Variants in SCAMP2 observed in about 807,000 individuals in gnomAD.
SCAMP2 encodes the protein secretory carrier-associated membrane protein 2.
In SCAMP2, 25 loss-of-function variants were observed where a neutral mutation model predicts 44.1. That is an observed-to-expected ratio of 0.57 (90% confidence interval 0.41 to 0.79). SCAMP2 has a LOEUF of 0.79. Ranked by LOEUF, SCAMP2 falls within the 30% of genes least tolerant of loss-of-function variation. The pLI is 0.00. For missense variants in SCAMP2, 355 were observed against 411.0 expected (o/e 0.86, Z 1.18); for synonymous variants, 156 against 166.0 (o/e 0.94, Z 0.46).
At chr15:74,861,742 C>T (rs915384067) in intron 1 of SCAMP2, among the ~76,000 whole-genome samples, 3 of 151,498 alleles carry the variant, frequency 2.0e-5, no homozygotes, top group Non-Finnish European at 4.4e-5. Flanking sequence ...ACTAAAAATA[C>T]AAAACCAAAT....
intron 1 of SCAMP2, among the ~76,000 whole-genome samples, chr15:74,870,801 T>TTAG (rs2064570318): frequency 6.6e-6 from 1 of 152,212 alleles, no homozygotes; most frequent in Admixed American, 6.5e-5. Context: ...GTATAATTAT[T>TTAG]TAGTTCAAGT....
At chr15:74,852,491 G>C (rs117243734) in intron 3 of SCAMP2, 1 of 274,956 alleles carries the variant, frequency 3.6e-6, no homozygotes, top group South Asian at 1.7e-4. Context: ...CCCATACTGG[G>C]TCAAGGCAGC....
At chr15:74,868,491 T>C (rs1275796815) in intron 1 of SCAMP2, among the ~76,000 whole-genome samples, 1 of 152,254 alleles carries the variant, frequency 6.6e-6, no homozygotes, top group Admixed American at 6.5e-5. Flanking sequence ...AATGTCTTTT[T>C]GTAGGATTTC....
Position 74,873,136 on chromosome 15 carries a change from C to T in SCAMP2, c.57+63G>A, listed in dbSNP as rs536301979. On this transcript the variant is annotated intron_variant, in intron 1 of 8. Transcript: ENST00000268099. ...CACGTCTCCCGGCTCTAGCGAGAGG[C>T]CCGGGCGGCGGCCGTGGGCCCTAGG... 9.0e-6 allele frequency: 12 copies of T among 1,337,746 alleles called. No homozygotes were observed. The South Asian group carries it at 1.6e-4, about 17-fold the overall frequency. 82.9% of individuals were successfully genotyped at this position (1,337,746 alleles called of 1,614,324 possible).
intron 5 of SCAMP2, 130 bp downstream of exon 5, chr15:74,851,223 G>T: frequency 9.0e-7 from 1 of 1,109,928 alleles, no homozygotes; most frequent in Non-Finnish European, 1.3e-6. Flanking sequence ...CCCCAACCCA[G>T]CCCAGGCACT....
chr15:74,860,476 G>A (rs1448622364), intron 1 of SCAMP2, among the ~76,000 whole-genome samples: 2 of 151,232 alleles, frequency 1.3e-5, no homozygotes, highest in Non-Finnish European at 3.0e-5. Flanking sequence ...GTCACCTGAG[G>A]TCAGGAGTTT....
At chr15:74,858,568 G>C (rs2064481655) in intron 1 of SCAMP2, among the ~76,000 whole-genome samples, 1 of 152,080 alleles carries the variant, frequency 6.6e-6, no homozygotes, top group Admixed American at 6.6e-5. Flanking sequence ...AGGGGAAGTA[G>C]CTTGTCTTAA....
At chr15:74,854,154 G>C in intron 2 of SCAMP2, 35 bp from the exon 3 acceptor site, 2 of 1,554,326 alleles carry the variant, frequency 1.3e-6, no homozygotes, top group Non-Finnish European at 1.8e-6. Context: ...GAATTGAGTG[G>C]GACTCCATTA....
rs998939748 is a variant in SCAMP2, at chr15:74,848,706, GGA to G, written c.633-7_633-6del. ...AAGCTGAAAGAGTTGTCGGACCTGT[GGA>G]GAGAGAGGGAAATAAGTCACAAGAG... On this transcript the variant is annotated splice_polypyrimidine_tract_variant and splice_region_variant and intron_variant, in intron 6 of 8. Coordinates refer to ENST00000268099, the MANE Select transcript of SCAMP2 (RefSeq NM_005697.5). The G allele has an allele frequency of 4.4e-6, 7 of 1,602,078 alleles. No individual in the cohort carries two copies. The highest frequency in any genetic ancestry group is 3.3e-5 in the Admixed American group (2 of 59,824).
chr15:74,844,898 G>T lies in SCAMP2; in HGVS notation c.*185C>A. The T allele has an allele frequency of 1.6e-6, 1 of 606,664 alleles. No individual in the cohort carries two copies. 37.6% of individuals were successfully genotyped at this position (606,664 alleles called of 1,614,324 possible). A position where few individuals can be genotyped will look rare whatever the true frequency, so the allele number is the denominator to read the frequency against. ...AGCTTTGTTTTTTTTTGTACATAGA[G>T]GGGGAAAAAATTCCCTGTCCCTCCC... On this transcript the variant is annotated 3_prime_UTR_variant, in exon 9 of 9. Transcript: ENST00000268099.
intron 1 of SCAMP2, among the ~76,000 whole-genome samples, chr15:74,862,326 T>C (rs2064512241): frequency 7.5e-6 from 1 of 132,654 alleles, no homozygotes. Context: ...CCTATAATTC[T>C]AGCACTTTGG....
In SCAMP2 at chr15:74,844,776, G is replaced by T; in HGVS notation, c.*307C>A. 1 of 279,346 alleles carries T rather than the reference G, an allele frequency of 3.6e-6. No homozygotes were observed. The highest frequency in any genetic ancestry group is 6.9e-6 in the Non-Finnish European group (1 of 144,832). The allele number at this position is 279,346 out of a possible 1,614,324, so 17.3% of individuals were successfully genotyped here. A position where few individuals can be genotyped will look rare whatever the true frequency, so the allele number is the denominator to read the frequency against. On this transcript the variant is annotated 3_prime_UTR_variant, in exon 9 of 9. Transcript: ENST00000268099. The stretch of plus-strand genomic sequence containing the variant: ...GGTCAGCCTGTGATCCCAACTGTGT[G>T]GGGGTGTCTGTGTGTGCACAGGACG...
Position 74,844,765 on chromosome 15 carries a change from C to G in SCAMP2, c.*318G>C. ...GGATGGGCCCAGGTCAGCCTGTGAT[C>G]CCAACTGTGTGGGGGTGTCTGTGTG... is the stretch of plus-strand genomic sequence containing the variant. On this transcript the variant is annotated 3_prime_UTR_variant, in exon 9 of 9. Transcript: ENST00000268099. The G allele has an allele frequency of 8.5e-6, 2 of 236,140 alleles. No homozygotes were observed. The highest frequency in any genetic ancestry group is 8.4e-6 in the Non-Finnish European group (1 of 119,370). The allele number at this position is 236,140 out of a possible 1,614,324, so 14.6% of individuals were successfully genotyped here. A position where few individuals can be genotyped will look rare whatever the true frequency, so the allele number is the denominator to read the frequency against.
At chr15:74,854,212 T>TCACAG in intron 2 of SCAMP2, 93 bp from the exon 3 acceptor site, 3 of 1,136,752 alleles carry the variant, frequency 2.6e-6, no homozygotes, top group Non-Finnish European at 2.6e-6. Context: ...GATGTGCCCC[T>TCACAG]GCCTGTGAGG....
chr15:74,872,789 ACCT>A (rs2064585636), intron 1 of SCAMP2: 1 of 164,522 alleles, frequency 6.1e-6, no homozygotes, highest in Admixed American at 6.4e-5. Flanking sequence ...AGGCTTCACC[ACCT>A]CCTCATATGT....
chr15:74,852,241 G>A lies in SCAMP2; in HGVS notation c.226-55C>T, dbSNP rs141614998. 5.8e-4 allele frequency: 738 copies of A among 1,282,092 alleles called. 7 individuals carry two copies. The East Asian group carries it at 0.018, about 31-fold the overall frequency. 79.4% of individuals were successfully genotyped at this position (1,282,092 alleles called of 1,614,324 possible). The stretch of plus-strand genomic sequence containing the variant: ...GCCAGACACAACAAACAGAAACAGT[G>A]TCAGCCTGGGTAGGCAGGCAGAGAG... On this transcript the variant is annotated intron_variant, in intron 3 of 8. Coordinates refer to ENST00000268099, the MANE Select transcript of SCAMP2 (RefSeq NM_005697.5).
chr15:74,852,109 G>C lies in SCAMP2; in HGVS notation c.303C>G (p.Arg101=). Reference sequence around the variant, plus strand: ...CAGTGTTCTGCAGCTCCCGCTCCTTGCGTTCCAGCTCGGCAGCTTTCCTGT... The same window carrying C: ...CAGTGTTCTGCAGCTCCCGCTCCTTCCGTTCCAGCTCGGCAGCTTTCCTGT... ...ELDRKAAELE[R]KERELQNTVA... The change falls in exon 4 of 9, where the codon CGC becomes CGG. Residue 101 remains arginine (R), a synonymous_variant. Coordinates refer to ENST00000268099, the MANE Select transcript of SCAMP2 (RefSeq NM_005697.5). The C allele has an allele frequency of 1.9e-6, 3 of 1,593,210 alleles. No individual in the cohort carries two copies. The highest frequency in any genetic ancestry group is 2.6e-6 in the Non-Finnish European group (3 of 1,169,970).
chr15:74,867,952 G>A (rs561641172), intron 1 of SCAMP2, among the ~76,000 whole-genome samples: 7 of 152,218 alleles, frequency 4.6e-5, no homozygotes, highest in Non-Finnish European at 1.0e-4. Flanking sequence ...TGGGTGGTCT[G>A]ATTTTTAGTG....
intron 1 of SCAMP2, among the ~76,000 whole-genome samples, chr15:74,859,778 G>A (rs1009446501): frequency 2.6e-5 from 4 of 151,922 alleles, no homozygotes; most frequent in South Asian, 2.1e-4. Flanking sequence ...CACCACGCCC[G>A]GCTAATTGAA....
Sources: gnomAD v4.1 joint callset for allele counts (sites outside exome capture counted in the v4.1 genomes callset) on GRCh38, gnomAD v4.1.1 for gene constraint, MANE v1.5 for transcripts, NCBI Gene and HGNC (gene_info 2026-07-23, HGNC 2026-07-21) for gene names.